The following SMTN variants were observed in gnomAD, a reference collection of about 807,000 sequenced individuals.
The protein encoded by SMTN is smoothelin.
Under a neutral mutation model 102.0 loss-of-function variants are expected in SMTN, and 58 were observed. That is an observed-to-expected ratio of 0.57 (90% CI 0.46 to 0.71). The LOEUF (loss-of-function observed/expected upper bound fraction) is 0.71, where lower values mean the gene tolerates loss of function less well. Among genes scored for constraint, SMTN ranks in the 30% least tolerant of loss-of-function variants. The pLI, the probability that SMTN is intolerant of heterozygous loss-of-function variation, is 0.00. For synonymous variants in SMTN, 478 were observed against 497.9 expected, an observed-to-expected ratio of 0.96 and a Z score of 0.53; for missense variants, 1,185 against 1,241.7, an observed-to-expected ratio of 0.95 and a Z score of 0.69.
At chr22:31,104,101 T>C (rs528697751) in intron 20 of SMTN, 15 of 577,678 alleles carry the variant, frequency 2.6e-5, no homozygotes, top group Non-Finnish European at 4.0e-5. Context: ...CATCTCCGCC[T>C]CCACCTGCCT....
intron 11 of SMTN, chr22:31,092,518 C>T (rs1403910352): frequency 4.2e-6 from 2 of 471,118 alleles, no homozygotes; most frequent in African/African-American, 2.0e-5. Flanking sequence ...AAGCGGGCCA[C>T]CCGGCTGCCC....
chr22:31,068,773 A>C (rs945896145), intron 1 of SMTN, among the ~76,000 whole-genome samples: 42 of 152,232 alleles, frequency 2.8e-4, no homozygotes, highest in Admixed American at 5.2e-4. Context: ...GACAAACAAC[A>C]AAAAAATTAA....
upstream of SMTN, among the ~76,000 whole-genome samples, chr22:31,078,509 G>A (rs1000781986): frequency 8.5e-5 from 13 of 152,222 alleles, no homozygotes; most frequent in Admixed American, 1.3e-4. Context: ...TTTACAGGGG[G>A]CAGGCTGAGG....
intron 16 of SMTN, 65 bp from the exon 17 acceptor site, chr22:31,098,602 G>C: frequency 6.5e-7 from 1 of 1,538,318 alleles, no homozygotes; most frequent in Non-Finnish European, 8.9e-7. Context: ...CTCCTCGCGA[G>C]TGGTGGTCCA....
chr22:31,065,908 T>G (rs953048292), intron 1 of SMTN: 30 of 152,266 alleles, frequency 2.0e-4, no homozygotes, highest in African/African-American at 6.5e-4. Flanking sequence ...GAACGTGTTC[T>G]GTAATACAAA....
intron 15 of SMTN, 65 bp from the exon 16 acceptor site, chr22:31,097,204 C>T (rs2147776384): frequency 1.3e-6 from 2 of 1,546,688 alleles, no homozygotes; most frequent in African/African-American, 2.7e-5. Flanking sequence ...TCCATACAGC[C>T]TCCCATCCCA....
Position 31,095,181 on chromosome 22 carries a change from A to G in SMTN, c.1633-122A>G. ...GCCATCTTTGGGCAGGCAGGCTGGC[A>G]GGCTAGTGGTTATTTCCAAGGCGTG... On this transcript the variant is annotated intron_variant, in intron 11 of 20. Transcript: ENST00000333137. This position sits in a 1 kb window ranked among gnomAD's most constrained non-coding sequence, Gnocchi z 4.1. 1.0e-6 allele frequency: 1 copy of G among 988,704 alleles called. No individual in the cohort carries two copies. The highest frequency in any genetic ancestry group is 1.5e-6 in the Non-Finnish European group (1 of 671,962). The allele number at this position is 988,704 out of a possible 1,614,324, so 61.2% of individuals were successfully genotyped here.
chr22:31,086,691 T>C (rs1174801050), intron 2 of SMTN, among the ~76,000 whole-genome samples: 1 of 152,194 alleles, frequency 6.6e-6, no homozygotes, highest in African/African-American at 2.4e-5. Flanking sequence ...CCAGCCAGGA[T>C]TGGACTAGGG....
At chr22:31,093,597 G>A (rs773947870) in intron 11 of SMTN, 16 of 752,686 alleles carry the variant, frequency 2.1e-5, no homozygotes, top group Admixed American at 5.4e-5. Flanking sequence ...CCGTGGAGCC[G>A]GTGGCCCGGG....
chr22:31,068,930 G>A (rs1268280724), intron 1 of SMTN, among the ~76,000 whole-genome samples: 1 of 152,214 alleles, frequency 6.6e-6, no homozygotes, highest in African/African-American at 2.4e-5. Context: ...CAGCCAGAGT[G>A]AAGATGTGGT....
rs746764891 is a variant in SMTN, at chr22:31,096,739, G to C, written c.1868G>C (p.Arg623Pro). Residue 623 changes from arginine to proline, a missense_variant, in exon 14 of 21, where the codon CGG (arginine) becomes CCG (proline). By Grantham distance (103) the Arg-to-Pro change is moderately radical. Coordinates refer to ENST00000333137, the MANE Select transcript of SMTN (RefSeq NM_134269.3). ...RELRQRKRDQ[R>P]DKERERRLQE... ...TGGGGCATCCCCTGCCCAGACCAGC[G>C]GGACAAGGAGCGGGAACGGCGGCTG... 1 of 1,548,136 alleles carries C rather than the reference G, an allele frequency of 6.5e-7. No individual in the cohort carries two copies. Among genetic ancestry groups the C allele is most frequent in the Non-Finnish European group, 8.7e-7 (1 of 1,152,124 alleles).
At position 31,102,579 on chromosome 22, in the gene SMTN, G is replaced by A. The variant is rs1029427176; in HGVS notation, c.*20+1530G>A. The A allele has an allele frequency of 5.9e-5, 9 of 152,428 alleles. 1 individual carries two copies. The highest frequency in any genetic ancestry group is 1.4e-4 in the African/African-American group (6 of 41,464). The allele number at this position is 152,428 out of a possible 1,614,324, so 9.4% of individuals were successfully genotyped here. ...ATCTCCAGATCATATATGGACTTAG[G>A]AGCTGCTGCCCAGCAAGCCAGCTTG... is the stretch of plus-strand genomic sequence containing the variant. On this transcript the variant is annotated intron_variant, in intron 20 of 20. Coordinates refer to ENST00000333137, the MANE Select transcript of SMTN (RefSeq NM_134269.3).
chr22:31,099,746 ACG>A lies in SMTN; in HGVS notation c.2454_2455del (p.Val819ArgfsTer11). On this transcript the variant is annotated frameshift_variant and splice_region_variant, in exon 19 of 21. Transcript: ENST00000333137. LOFTEE classifies it high-confidence loss of function. ...GACCAGTCCTCCTACGGCTTATAGCACGTCGACATCCAGAACTTCTCCTCCAG... is the reference window on the plus strand; with the variant it reads ...GACCAGTCCTCCTACGGCTTATAGCATCGACATCCAGAACTTCTCCTCCAG... 1 of 1,613,892 alleles carries A rather than the reference ACG, an allele frequency of 6.2e-7. No homozygotes were observed. The highest frequency in any genetic ancestry group is 8.5e-7 in the Non-Finnish European group (1 of 1,179,852).
At chr22:31,075,514 C>G (rs1197206673) in intron 1 of SMTN, among the ~76,000 whole-genome samples, 2 of 152,084 alleles carry the variant, frequency 1.3e-5, no homozygotes, top group African/African-American at 4.8e-5. Context: ...AACCCCGTCT[C>G]TACTGAAAAT....
Position 31,099,049 on chromosome 22 carries a change from A to G in SMTN, c.2334-13A>G, listed in dbSNP as rs2043860033. 1.2e-6 allele frequency: 2 copies of G among 1,608,086 alleles called. No homozygotes were observed. Among genetic ancestry groups the G allele is most frequent in the South Asian group, 2.2e-5 (2 of 91,032 alleles). On this transcript the variant is annotated splice_polypyrimidine_tract_variant and intron_variant, in intron 17 of 20. Coordinates refer to ENST00000333137, the MANE Select transcript of SMTN (RefSeq NM_134269.3). The stretch of plus-strand genomic sequence containing the variant: ...TATAGTCGTGTGACCTGGTCCTGAC[A>G]CCGCCCCTACAGCAGCCCTGGCGGA...
At chr22:31,100,772 G>C in intron 19 of SMTN, 113 bp from the exon 20 acceptor site, 1 of 633,846 alleles carries the variant, frequency 1.6e-6, no homozygotes, top group Non-Finnish European at 2.9e-6. Context: ...GTATGTGTGT[G>C]TGTCTCTGTT....
rs748870006 is a variant in SMTN, at chr22:31,091,692, C to T, written c.1477C>T (p.Arg493Trp). ...CCACTCAGAACTGACACTGGGGCTG[C>T]GGGCGCCCCCGACCCTACTCAGCAC... is the stretch of plus-strand genomic sequence containing the variant. ...NQRAELTLGLRAPPTLLSTSS... is the reference protein window; with the variant it reads ...NQRAELTLGLWAPPTLLSTSS... The change falls in exon 11 of 21, where the codon CGG becomes TGG. Residue 493 changes from arginine to tryptophan, a missense_variant. Arg to Trp is a moderately radical substitution (Grantham distance 101). Coordinates refer to ENST00000333137, the MANE Select transcript of SMTN (RefSeq NM_134269.3). 53 of 1,596,086 alleles carry T rather than the reference C, an allele frequency of 3.3e-5. No homozygotes were observed. The Middle Eastern group carries it at 6.6e-4, about 20-fold the overall frequency.
intron 2 of SMTN, chr22:31,084,876 G>A: frequency 9.5e-7 from 1 of 1,057,080 alleles, no homozygotes; most frequent in Non-Finnish European, 1.3e-6. Context: ...TGCGCCCCGC[G>A]CGCCGGCCCG....
At chr22:31,092,504 C>G (rs1455732763) in intron 11 of SMTN, 1 of 471,112 alleles carries the variant, frequency 2.1e-6, no homozygotes, top group African/African-American at 2.0e-5. Context: ...GGAAAGGGAT[C>G]CCCAAGCGGG....
Sources: gnomAD v4.1 joint callset for allele counts (sites outside exome capture counted in the v4.1 genomes callset) on GRCh38, gnomAD v4.1.1 for gene constraint, Gnocchi (gnomAD v3.1) non-coding constraint, MANE v1.5 for transcripts, NCBI Gene and HGNC (gene_info 2026-07-23, HGNC 2026-07-21) for gene names.